CAMTA1: variants seen among roughly 807,000 people sequenced by gnomAD.
CAMTA1 encodes calmodulin binding transcription activator 1.
CAMTA1 carries 27 observed loss-of-function variants against 170.9 expected under a neutral mutation model. The ratio of observed to expected loss-of-function variants is 0.16; its 90% CI spans 0.12 to 0.22. The LOEUF (loss-of-function observed/expected upper bound fraction) is 0.22. Ranked by LOEUF, CAMTA1 falls within the 10% of genes least tolerant of loss-of-function variation. CAMTA1 has a pLI of 1.00. For synonymous variants in CAMTA1, 833 were observed against 891.5 expected (o/e 0.93, Z 1.17); for missense variants, 1,619 against 2,217.2 (o/e 0.73, Z 5.42).
chr1:7,647,031 C>G (rs896373494), intron 7 of CAMTA1, among the ~76,000 whole-genome samples: 10 of 152,170 alleles, frequency 6.6e-5, no homozygotes, highest in African/African-American at 1.9e-4. Flanking sequence ...GCAAACGGGC[C>G]CCTCATTGCT....
chr1:7,640,764 A>C (rs528516868), intron 7 of CAMTA1, among the ~76,000 whole-genome samples: 33 of 152,340 alleles, frequency 2.2e-4, no homozygotes, highest in Non-Finnish European at 4.4e-4. Flanking sequence ...ACAAAATGCC[A>C]GGCCCACGTG....
chr1:7,340,540 G>GCCTCCCTC (rs1557548389), intron 5 of CAMTA1, among the ~76,000 whole-genome samples: 1 of 129,102 alleles, frequency 7.7e-6, no homozygotes, highest in East Asian at 2.3e-4. Flanking sequence ...TGTGCTGCCT[G>GCCTCCCTC]CCTGCCTGCC....
chr1:7,758,857 T>C (rs971251461), intron 22 of CAMTA1, among the ~76,000 whole-genome samples: 11 of 141,204 alleles, frequency 7.8e-5, no homozygotes, highest in East Asian at 2.1e-4. Flanking sequence ...ATGGTGTGAA[T>C]CCGGGAGGCG....
At chr1:7,750,368 G>C (rs951556729) in intron 19 of CAMTA1, among the ~76,000 whole-genome samples, 3 of 152,244 alleles carry the variant, frequency 2.0e-5, no homozygotes, top group Non-Finnish European at 2.9e-5. Context: ...GCGACGGTAA[G>C]TTGCCGTCTT....
chr1:7,104,252 C>A (rs1287351891), intron 4 of CAMTA1, among the ~76,000 whole-genome samples: 5 of 146,742 alleles, frequency 3.4e-5, no homozygotes, highest in Non-Finnish European at 7.5e-5. Context: ...ACACAACACA[C>A]ATACACACAA....
chr1:6,919,811 T>C (rs934801651), intron 3 of CAMTA1, among the ~76,000 whole-genome samples: 2 of 152,100 alleles, frequency 1.3e-5, no homozygotes, highest in African/African-American at 4.8e-5. Context: ...CCCCTTATAA[T>C]ACTGTCGGAT....
In CAMTA1 at chr1:7,572,978, G is replaced by A. The variant is rs75786662; in HGVS notation, c.511-67422G>A. 9.2e-3 allele frequency among the ~76,000 whole-genome samples: 1,400 copies of A among 152,266 alleles called. 10 individuals carry two copies. The highest frequency in any genetic ancestry group is 0.011 in the African/African-American group (474 of 41,554). ...CCAGCTCTTCCAGAAACAGGCAGCC[G>A]GCGCCTGAACTCACCAAAGCCTTAT... On this transcript the variant is annotated intron_variant, in intron 6 of 22. Transcript: ENST00000303635.
intron 3 of CAMTA1, among the ~76,000 whole-genome samples, chr1:6,975,484 G>A (rs938461177): frequency 1.2e-4 from 18 of 152,164 alleles, no homozygotes; most frequent in Admixed American, 1.1e-3. Flanking sequence ...TTTGTTGACT[G>A]CAAGAATGAA....
At chr1:7,563,611 G>A (rs947926139) in intron 6 of CAMTA1, among the ~76,000 whole-genome samples, 2 of 152,362 alleles carry the variant, frequency 1.3e-5, no homozygotes, top group Admixed American at 6.5e-5. Context: ...TGGCCACCTT[G>A]AGACTGGATG....
At chr1:7,116,948 G>A (rs1262949356) in intron 4 of CAMTA1, among the ~76,000 whole-genome samples, 6 of 150,146 alleles carry the variant, frequency 4.0e-5, no homozygotes, top group African/African-American at 9.8e-5. Flanking sequence ...CACTGCGCCC[G>A]GCCAACTTAG....
chr1:7,235,216 C>G (rs1663596194), intron 4 of CAMTA1, among the ~76,000 whole-genome samples: 1 of 152,186 alleles, frequency 6.6e-6, no homozygotes, highest in Non-Finnish European at 1.5e-5. Flanking sequence ...CCGCCAGGTT[C>G]TCCTCTTGCT....
intron 5 of CAMTA1, among the ~76,000 whole-genome samples, chr1:7,365,123 A>G (rs1266095749): frequency 2.0e-5 from 3 of 152,226 alleles, no homozygotes; most frequent in African/African-American, 7.2e-5. Context: ...GCCGGACCCC[A>G]TGAGGACCAA....
At chr1:6,968,371 A>G (rs1691934124) in intron 3 of CAMTA1, among the ~76,000 whole-genome samples, 1 of 152,098 alleles carries the variant, frequency 6.6e-6, no homozygotes, top group African/African-American at 2.4e-5. Context: ...GGTTGGAAAG[A>G]TCATAGCCCC....
At chr1:7,324,022 C>G (rs1044673630) in intron 5 of CAMTA1, among the ~76,000 whole-genome samples, 2 of 152,096 alleles carry the variant, frequency 1.3e-5, no homozygotes, top group Non-Finnish European at 2.9e-5. Context: ...TTGTGTTATT[C>G]AAATCTTTTC....
intron 1 of CAMTA1, among the ~76,000 whole-genome samples, chr1:6,803,574 A>G (rs970164245): frequency 6.6e-6 from 1 of 152,242 alleles, no homozygotes; most frequent in African/African-American, 2.4e-5. Context: ...TTAGTCATTG[A>G]TGTTTCATAG....
At chr1:7,491,270 A>G (rs1336519796) in intron 6 of CAMTA1, among the ~76,000 whole-genome samples, 1 of 152,020 alleles carries the variant, frequency 6.6e-6, no homozygotes, top group Non-Finnish European at 1.5e-5. Flanking sequence ...TCCTGTTCAT[A>G]AGGTTTCTCA....
chr1:6,981,035 A>G (rs916794238), intron 3 of CAMTA1, among the ~76,000 whole-genome samples: 1 of 151,944 alleles, frequency 6.6e-6, no homozygotes, highest in Non-Finnish European at 1.5e-5. Context: ...CCAGAGGAGT[A>G]ACTGAGGGTA....
At position 7,333,149 on chromosome 1, in the gene CAMTA1, T is replaced by C. The variant is rs2083137872; in HGVS notation, c.438+83523T>C. ...TGGCAGGTCACCCAGTGACTGGCATTCAGGAGCTAAACTGATTGATGGTAA... is the reference window on the plus strand; with the variant it reads ...TGGCAGGTCACCCAGTGACTGGCATCCAGGAGCTAAACTGATTGATGGTAA... On this transcript the variant is annotated intron_variant, in intron 5 of 22. Coordinates refer to ENST00000303635, the MANE Select transcript of CAMTA1 (RefSeq NM_015215.4). The surrounding 1 kb of genome is among the most constrained non-coding windows in gnomAD (Gnocchi z 4.4). Among the ~76,000 whole-genome samples the C allele has an allele frequency of 6.6e-6, 1 of 152,210 alleles. No individual in the cohort carries two copies. The highest frequency in any genetic ancestry group is 2.4e-5 in the African/African-American group (1 of 41,436).
At chr1:6,989,371 C>G (rs1695932793) in intron 3 of CAMTA1, among the ~76,000 whole-genome samples, 1 of 152,214 alleles carries the variant, frequency 6.6e-6, no homozygotes. Context: ...TTTACATGCG[C>G]TCTGCCAGAG....
Sources: allele counts gnomAD v4.1 joint callset (sites outside exome capture counted in the v4.1 genomes callset), GRCh38; gene constraint gnomAD v4.1.1; non-coding constraint Gnocchi (gnomAD v3.1); transcripts MANE v1.5; gene names NCBI Gene and HGNC (gene_info 2026-07-23, HGNC 2026-07-21).